TOP1: variants seen among roughly 807,000 people sequenced by gnomAD.
The protein encoded by TOP1 is DNA topoisomerase 1.
A neutral mutation model predicts 111.1 loss-of-function variants in TOP1; 10 were observed. The ratio of observed to expected loss-of-function variants is 0.09; its 90% CI spans 0.06 to 0.15. The LOEUF (loss-of-function observed/expected upper bound fraction) is 0.15. TOP1 is among the 10% of genes least tolerant of loss of function. TOP1 has a pLI of 1.00. For synonymous variants in TOP1, 271 were observed against 302.9 expected (o/e 0.89, Z 1.10); for missense variants, 474 against 926.7 (o/e 0.51, Z 6.34).
At chr20:41,064,736 C>T (rs1457431571) in intron 3 of TOP1, among the ~76,000 whole-genome samples, 1 of 152,126 alleles carries the variant, frequency 6.6e-6, no homozygotes, top group Admixed American at 6.5e-5. Context: ...TTAAATGCCA[C>T]TTTTGTGTGC....
rs759898195 is a variant in TOP1 at position 41,101,323 on chromosome 20, C to T, written c.1278C>T (p.Tyr426=). ...WTENIQGSIK[Y]IMLNPSSRIK... ...AGAACATCCAAGGTTCCATTAAATA[C>T]ATCATGCTTAACCCTAGTTCACGAA... Residue 426 remains tyrosine (Y), a synonymous_variant, in exon 13 of 21, where the codon TAC becomes TAT. Transcript: ENST00000361337. The surrounding 1 kb of genome is among the most constrained non-coding windows in gnomAD (Gnocchi z 4.1). 6.2e-7 allele frequency: 1 copy of T among 1,614,166 alleles called. No individual in the cohort carries two copies. The highest frequency in any genetic ancestry group is 1.1e-5 in the South Asian group (1 of 91,082).
chr20:41,076,395 A>C, intron 4 of TOP1, 101 bp downstream of exon 4: 1 of 1,456,964 alleles, frequency 6.9e-7, no homozygotes, highest in Non-Finnish European at 9.1e-7. Flanking sequence ...TTGGTCTTGA[A>C]GTGAAAGGTT....
rs2033688572 is a variant in TOP1 at position 41,073,342 on chromosome 20, A to G, written c.156-2829A>G. 4.1e-6 allele frequency: 4 copies of G among 984,154 alleles called. No individual in the cohort carries two copies. The Admixed American group carries it at 2.5e-4, about 61-fold the overall frequency. The allele number at this position is 984,154 out of a possible 1,614,324, so 61.0% of individuals were successfully genotyped here. A position where few individuals can be genotyped will look rare whatever the true frequency, so the allele number is the denominator to read the frequency against. On this transcript the variant is annotated intron_variant, in intron 3 of 20. Coordinates refer to ENST00000361337, the MANE Select transcript of TOP1 (RefSeq NM_003286.4). ...AGTGTTCCTGAATTCAGATTCCTGA[A>G]TTAGCCATTTATAGTTTCATGGGAA...
intron 8 of TOP1, among the ~76,000 whole-genome samples, chr20:41,086,267 AAAAAAAAAAG>A (rs1243875289): frequency 6.6e-6 from 1 of 151,722 alleles, no homozygotes; most frequent in African/African-American, 2.4e-5. Flanking sequence ...TGTCTCAAAA[AAAAAAAAAAG>A]AAAAAAAACC....
chr20:41,097,391 T>C lies in TOP1; in HGVS notation c.852+50T>C, dbSNP rs1600587335. ...CCTAGTACCTTGCAAAACAATCAAG[T>C]ACTAAGTAATAAATTATCATTTTGC... On this transcript the variant is annotated intron_variant, in intron 10 of 20. Transcript: ENST00000361337. The surrounding 1 kb of genome is among the most constrained non-coding windows in gnomAD (Gnocchi z 4.2). 1.3e-6 allele frequency: 2 copies of C among 1,505,812 alleles called. No homozygotes were observed. Among genetic ancestry groups the C allele is most frequent in the East Asian group, 4.7e-5 (2 of 42,662 alleles). 93.3% of individuals were successfully genotyped at this position (1,505,812 alleles called of 1,614,324 possible).
intron 6 of TOP1, 89 bp from the exon 7 acceptor site, chr20:41,081,075 TG>T: frequency 8.6e-7 from 1 of 1,161,780 alleles, no homozygotes; most frequent in Non-Finnish European, 1.2e-6. Flanking sequence ...ACTCTTGCCA[TG>T]GAGGCATCCA....
intron 8 of TOP1, among the ~76,000 whole-genome samples, chr20:41,089,020 C>CTGTTTT (rs2033883383): frequency 1.3e-5 from 1 of 77,926 alleles, no homozygotes; most frequent in Non-Finnish European, 2.2e-5. Flanking sequence ...TGCCCCAGTT[C>CTGTTTT]TTTTTTTTTT....
In TOP1 at chr20:41,033,934, A is replaced by G. The variant is rs867694065; in HGVS notation, c.58+4479A>G. On this transcript the variant is annotated intron_variant, in intron 2 of 20. Transcript: ENST00000361337. Reference sequence around the variant, plus strand: ...ATTCAAATGTAATTAGTTTGAATGAAGCTGTGGAAATGTTTGAAATGAGTA... The same window carrying G: ...ATTCAAATGTAATTAGTTTGAATGAGGCTGTGGAAATGTTTGAAATGAGTA... Among the ~76,000 whole-genome samples, 3 of 152,152 alleles carry G rather than the reference A, an allele frequency of 2.0e-5. No homozygotes were observed. The South Asian group carries it at 6.2e-4, about 31-fold the overall frequency.
At position 41,083,204 on chromosome 20, in the gene TOP1, G is replaced by A. The variant is rs1277577002; in HGVS notation, c.508-1258G>A. On this transcript the variant is annotated intron_variant, in intron 7 of 20. Transcript: ENST00000361337. The surrounding 1 kb of genome is among the most constrained non-coding windows in gnomAD (Gnocchi z 7.2). ...CCAGCTGGATGCCTGCTCAGAAGCT[G>A]TTTAGAGTATCTTCACTGAAAAACA... Among the ~76,000 whole-genome samples the A allele has an allele frequency of 1.3e-5, 2 of 152,172 alleles. No individual in the cohort carries two copies. The highest frequency in any genetic ancestry group is 3.9e-4 in the East Asian group (2 of 5,192).
At chr20:41,051,292 T>C (rs2033402832) in intron 2 of TOP1, among the ~76,000 whole-genome samples, 1 of 152,132 alleles carries the variant, frequency 6.6e-6, no homozygotes, top group Non-Finnish European at 1.5e-5. Context: ...CAAAAGGCAG[T>C]GTAAAGGGGA....
intron 2 of TOP1, among the ~76,000 whole-genome samples, chr20:41,036,916 C>A (rs1044958303): frequency 1.3e-5 from 2 of 149,816 alleles, no homozygotes; most frequent in Admixed American, 1.3e-4. Flanking sequence ...CTGCAAGCTC[C>A]GCCTCCCAGG....
Position 41,092,250 on chromosome 20 carries a change from G to A in TOP1, c.615-222G>A, listed in dbSNP as rs1260403130. ...TATTCTTAAACTGAGCTGTTGAAAT[G>A]TATTTTCCTTTATTCACCACAGTAT... On this transcript the variant is annotated intron_variant, in intron 8 of 20. Coordinates refer to ENST00000361337, the MANE Select transcript of TOP1 (RefSeq NM_003286.4). This position sits in a 1 kb window ranked among gnomAD's most constrained non-coding sequence, Gnocchi z 4.3. Among the ~76,000 whole-genome samples, 1 of 152,190 alleles carries A rather than the reference G, an allele frequency of 6.6e-6. No individual in the cohort carries two copies. Among genetic ancestry groups the A allele is most frequent in the Non-Finnish European group, 1.5e-5 (1 of 68,040 alleles).
chr20:41,118,760 A>T lies in TOP1; in HGVS notation c.1950+464A>T, dbSNP rs2034373690. ...CTATTTTTATTTTTACGCATTCCAC[A>T]TGAATCATATTTTTATATAGTTCAT... On this transcript the variant is annotated intron_variant, in intron 18 of 20. Transcript: ENST00000361337. This position sits in a 1 kb window ranked among gnomAD's most constrained non-coding sequence, Gnocchi z 4.6. 6.6e-6 allele frequency among the ~76,000 whole-genome samples: 1 copy of T among 152,216 alleles called. No individual in the cohort carries two copies. Among genetic ancestry groups the T allele is most frequent in the African/African-American group, 2.4e-5 (1 of 41,458 alleles).
intron 3 of TOP1, among the ~76,000 whole-genome samples, chr20:41,066,558 T>C (rs923188717): frequency 7.2e-5 from 6 of 82,820 alleles, no homozygotes; most frequent in African/African-American, 3.3e-4. Flanking sequence ...TTTTCTTTTC[T>C]TTTTTTTTTT....
Position 41,095,058 on chromosome 20 carries a change from A to G in TOP1, c.731-2162A>G, listed in dbSNP as rs888702560. 3.9e-5 allele frequency among the ~76,000 whole-genome samples: 6 copies of G among 151,950 alleles called. No homozygotes were observed. Among genetic ancestry groups the G allele is most frequent in the Admixed American group, 3.9e-4 (6 of 15,254 alleles). On this transcript the variant is annotated intron_variant, in intron 9 of 20. Coordinates refer to ENST00000361337, the MANE Select transcript of TOP1 (RefSeq NM_003286.4). This position sits in a 1 kb window ranked among gnomAD's most constrained non-coding sequence, Gnocchi z 4.6. ...TCATTTTTTTTAAATTTATTTTTAT[A>G]TTTATTTATTTGAGACAGAGTCACA...
At chr20:41,119,726 A>G (rs1406932357) in intron 18 of TOP1, among the ~76,000 whole-genome samples, 1 of 152,240 alleles carries the variant, frequency 6.6e-6, no homozygotes, top group Non-Finnish European at 1.5e-5. Context: ...AGAGACGTAC[A>G]TGTCCACAGT....
chr20:41,113,945 C>A, intron 14 of TOP1, 25 bp from the exon 15 acceptor site: 1 of 1,574,206 alleles, frequency 6.4e-7, no homozygotes, highest in Non-Finnish European at 8.7e-7. Context: ...CATTCATGCT[C>A]ATCTTTTCTT....
chr20:41,042,389 T>C (rs1388720685), intron 2 of TOP1, among the ~76,000 whole-genome samples: 1 of 152,250 alleles, frequency 6.6e-6, no homozygotes, highest in Non-Finnish European at 1.5e-5. Flanking sequence ...TCCTTTCTCC[T>C]ACTTCAGTGT....
chr20:41,107,500 TA>T (rs2034165152), intron 13 of TOP1, among the ~76,000 whole-genome samples: 1 of 152,232 alleles, frequency 6.6e-6, no homozygotes, highest in African/African-American at 2.4e-5. Flanking sequence ...ATCTACAAGT[TA>T]TTCCATCTAT....
Sources: allele counts gnomAD v4.1 joint callset (sites outside exome capture counted in the v4.1 genomes callset), GRCh38; gene constraint gnomAD v4.1.1; non-coding constraint Gnocchi (gnomAD v3.1); transcripts MANE v1.5; gene names NCBI Gene and HGNC (gene_info 2026-07-23, HGNC 2026-07-21).